The following RANBP17 variants were observed in gnomAD, a reference collection of about 807,000 sequenced individuals.
RANBP17 encodes RAN binding protein 17, also known as ran-binding protein 17.
In RANBP17, 158 loss-of-function variants were observed where a neutral mutation model predicts 141.2. That is an observed-to-expected ratio of 1.12 (90% CI 0.98 to 1.28). The LOEUF (loss-of-function observed/expected upper bound fraction) is 1.28. Among genes scored for constraint, RANBP17 ranks in the 50% most tolerant of loss-of-function variants. RANBP17 has a pLI of 0.00. For missense variants in RANBP17, 1,438 were observed against 1,290.7 expected (o/e 1.11, Z -1.75); for synonymous variants, 430 against 450.0 (o/e 0.96, Z 0.56).
intron 22 of RANBP17, among the ~76,000 whole-genome samples, chr5:171,224,028 C>G (rs1763737662): frequency 6.6e-6 from 1 of 152,168 alleles, no homozygotes; most frequent in Non-Finnish European, 1.5e-5. Context: ...TGGTAAAAGG[C>G]CTGGCACAGG....
intron 13 of RANBP17, among the ~76,000 whole-genome samples, chr5:170,961,030 G>A (rs1776112730): frequency 6.6e-6 from 1 of 152,238 alleles, no homozygotes; most frequent in Admixed American, 6.5e-5. Context: ...ACAGGCGTGA[G>A]CCACTGCACC....
At chr5:171,209,273 A>G (rs1762743592) in intron 20 of RANBP17, among the ~76,000 whole-genome samples, 2 of 152,096 alleles carry the variant, frequency 1.3e-5, no homozygotes, top group East Asian at 3.9e-4. Flanking sequence ...TACATATACC[A>G]CTCATTTCAT....
intron 5 of RANBP17, among the ~76,000 whole-genome samples, chr5:170,908,615 C>T (rs944559131): frequency 1.4e-5 from 2 of 147,634 alleles, no homozygotes; most frequent in Non-Finnish European, 3.0e-5. Flanking sequence ...CCCCAGGCAA[C>T]AAACACACAC....
chr5:171,088,777 C>G (rs1039355789), intron 14 of RANBP17, among the ~76,000 whole-genome samples: 3 of 152,152 alleles, frequency 2.0e-5, no homozygotes, highest in Non-Finnish European at 4.4e-5. Flanking sequence ...CTTCTGCATT[C>G]TTCACGTAGT....
chr5:171,222,764 G>A (rs1763649310), intron 22 of RANBP17, among the ~76,000 whole-genome samples: 1 of 152,090 alleles, frequency 6.6e-6, no homozygotes, highest in South Asian at 2.1e-4. Flanking sequence ...CCGAGTAGCT[G>A]TGGTTATAGG....
At chr5:171,187,363 A>G (rs569597155) in intron 18 of RANBP17, among the ~76,000 whole-genome samples, 1 of 152,264 alleles carries the variant, frequency 6.6e-6, no homozygotes, top group South Asian at 2.1e-4. Context: ...GCCCAGAAAC[A>G]CGAAGTAGGT....
At chr5:171,223,063 A>G (rs1388600618) in intron 22 of RANBP17, among the ~76,000 whole-genome samples, 3 of 152,204 alleles carry the variant, frequency 2.0e-5, no homozygotes, top group Admixed American at 1.3e-4. Flanking sequence ...TTAAAGTAAA[A>G]GCCTATTTTA....
intron 27 of RANBP17, among the ~76,000 whole-genome samples, chr5:171,298,218 G>A (rs1222147361): frequency 6.6e-6 from 1 of 152,150 alleles, no homozygotes; most frequent in Non-Finnish European, 1.5e-5. Flanking sequence ...CAAGACAAGA[G>A]GTTAAGTATT....
At chr5:171,140,651 T>G (rs1021381848) in intron 14 of RANBP17, among the ~76,000 whole-genome samples, 1 of 152,220 alleles carries the variant, frequency 6.6e-6, no homozygotes, top group Non-Finnish European at 1.5e-5. Flanking sequence ...GCTGAGAGAT[T>G]TGTACAAGGC....
chr5:171,258,300 T>C (rs1581134135), intron 24 of RANBP17, among the ~76,000 whole-genome samples: 3 of 152,182 alleles, frequency 2.0e-5, no homozygotes, highest in African/African-American at 7.2e-5. Context: ...TGTTAAAATG[T>C]CCATATTGCC....
chr5:170,880,008 AT>A (rs1768528026), intron 2 of RANBP17, among the ~76,000 whole-genome samples: 1 of 152,100 alleles, frequency 6.6e-6, no homozygotes, highest in African/African-American at 2.4e-5. Flanking sequence ...AACATCTTAC[AT>A]TTTTCACAAG....
chr5:171,009,111 G>T (rs1024325825), intron 14 of RANBP17, among the ~76,000 whole-genome samples: 2 of 152,104 alleles, frequency 1.3e-5, no homozygotes, highest in African/African-American at 2.4e-5. Context: ...GCCTCATTTT[G>T]TCCCTGCCAC....
intron 14 of RANBP17, among the ~76,000 whole-genome samples, chr5:171,039,597 A>G (rs1414667079): frequency 6.6e-6 from 1 of 151,974 alleles, no homozygotes; most frequent in African/African-American, 2.4e-5. Context: ...CCATTTGTCA[A>G]TATTTGTTTT....
At chr5:171,163,653 T>C (rs1759492009) in intron 14 of RANBP17, among the ~76,000 whole-genome samples, 2 of 152,220 alleles carry the variant, frequency 1.3e-5, no homozygotes, top group Admixed American at 1.3e-4. Context: ...TCCTTTCCAG[T>C]GACAGGTTTT....
rs1003871727 is a variant in RANBP17 at position 170,896,073 on chromosome 5, A to G, written c.447A>G (p.Ile149Met). ...FLQGTVEHCIIGVIILSELTQ... is the reference protein window; with the variant it reads ...FLQGTVEHCIMGVIILSELTQ... ...AGGGTACTGTGGAACACTGCATAAT[A>G]GGAGTAATAATCCTTTCTGAATTGA... Residue 149 changes from isoleucine to methionine, a missense_variant, in exon 5 of 28, where the codon ATA (isoleucine) becomes ATG (methionine). Ile to Met is a conservative substitution (Grantham distance 10). Coordinates refer to ENST00000523189, the MANE Select transcript of RANBP17 (RefSeq NM_022897.5). 1.9e-6 allele frequency: 3 copies of G among 1,608,724 alleles called. No individual in the cohort carries two copies. The highest frequency in any genetic ancestry group is 2.5e-6 in the Non-Finnish European group (3 of 1,177,652).
chr5:171,018,271 G>GT (rs1202625825), intron 14 of RANBP17, among the ~76,000 whole-genome samples: 14 of 151,714 alleles, frequency 9.2e-5, no homozygotes, highest in African/African-American at 2.9e-4. Flanking sequence ...ATTTAAAGTA[G>GT]TTTTTTTTCT....
chr5:171,189,100 G>A (rs539327701), intron 18 of RANBP17, among the ~76,000 whole-genome samples: 1 of 152,078 alleles, frequency 6.6e-6, no homozygotes, highest in South Asian at 2.1e-4. Flanking sequence ...TGCATTACAA[G>A]CACTTTTTAG....
chr5:170,992,398 T>C (rs78139205), intron 14 of RANBP17, among the ~76,000 whole-genome samples: 3,627 of 152,130 alleles, frequency 0.024, 126 homozygotes, highest in African/African-American at 0.082. Context: ...TTATGTTGCC[T>C]CTTTTGTCAG....
intron 14 of RANBP17, among the ~76,000 whole-genome samples, chr5:170,974,339 T>C (rs76595888): frequency 6.6e-6 from 1 of 152,192 alleles, no homozygotes; most frequent in Non-Finnish European, 1.5e-5. Flanking sequence ...ATGACAGGTC[T>C]TGAACACGTC....
Sources: allele counts gnomAD v4.1 joint callset (sites outside exome capture counted in the v4.1 genomes callset), GRCh38; gene constraint gnomAD v4.1.1; transcripts MANE v1.5; gene names NCBI Gene and HGNC (gene_info 2026-07-23, HGNC 2026-07-21).